Variants in CTDP1 observed in about 807,000 individuals in gnomAD.
CTDP1 encodes RNA polymerase II subunit A C-terminal domain phosphatase.
Under a neutral mutation model 91.8 loss-of-function variants are expected in CTDP1, and 47 were observed. That is an observed-to-expected ratio of 0.51 (90% confidence interval 0.41 to 0.65). CTDP1 has a LOEUF of 0.65. Among genes scored for constraint, CTDP1 ranks in the 30% least tolerant of loss-of-function variants. The probability of loss-of-function intolerance (pLI) is 0.00; values close to 1 mark genes in which losing one functional copy is unlikely to be tolerated. For synonymous variants in CTDP1, 656 were observed against 598.5 expected, an observed-to-expected ratio of 1.10 and a Z score of -1.40; for missense variants, 1,272 against 1,373.7, an observed-to-expected ratio of 0.93 and a Z score of 1.17.
chr18:79,730,776 G>C (rs1384663021), intron 11 of CTDP1, among the ~76,000 whole-genome samples: 1 of 152,158 alleles, frequency 6.6e-6, no homozygotes, highest in Admixed American at 6.5e-5. Flanking sequence ...CCAAGGACCC[G>C]AGGCCTCTGG....
chr18:79,718,023 G>A lies in CTDP1; in HGVS notation c.2417+7G>A. ...AGGAGCCCTCTTCCTTCAGGTACGT[G>A]GCGGCCCAGCCACTGTCCCCAGCTA... On this transcript the variant is annotated splice_region_variant and intron_variant, in intron 10 of 12. Transcript: ENST00000613122. 2.5e-6 allele frequency: 4 copies of A among 1,612,680 alleles called. No homozygotes were observed. The highest frequency in any genetic ancestry group is 3.4e-6 in the Non-Finnish European group (4 of 1,179,802).
intron 1 of CTDP1, among the ~76,000 whole-genome samples, chr18:79,682,111 T>C (rs2085383040): frequency 6.6e-6 from 1 of 152,188 alleles, no homozygotes; most frequent in African/African-American, 2.4e-5. Flanking sequence ...GCCTCGCAGT[T>C]GCATTAGCCA....
At chr18:79,743,536 A>AAAC (rs1348385662) in intron 12 of CTDP1, among the ~76,000 whole-genome samples, 1 of 150,922 alleles carries the variant, frequency 6.6e-6, no homozygotes, top group African/African-American at 2.4e-5. Context: ...CAAAAAAAAA[A>AAAC]AAAAAAAACA....
In CTDP1 at chr18:79,753,777, A is replaced by G; in HGVS notation, c.2873A>G (p.Asn958Ser). The change falls in exon 13 of 13, where the codon AAC (asparagine) becomes AGC (serine). Residue 958 changes from asparagine to serine, a missense_variant. By Grantham distance (46) the Asn-to-Ser change is conservative. This residue lies in a region of CTDP1 where 881 missense variants were observed against 911.6 expected (regional missense o/e 0.97). Coordinates refer to ENST00000613122, the MANE Select transcript of CTDP1 (RefSeq NM_004715.5). ...EMAKALEAEL[N>S]DLM Reference sequence around the variant, plus strand: ...GCCAAGGCGCTGGAGGCGGAGCTCAACGACCTCATGTGAGCGCGGGCAGCG... The same window carrying G: ...GCCAAGGCGCTGGAGGCGGAGCTCAGCGACCTCATGTGAGCGCGGGCAGCG... 2 of 1,613,548 alleles carry G rather than the reference A, an allele frequency of 1.2e-6. No homozygotes were observed. Among genetic ancestry groups the G allele is most frequent in the Non-Finnish European group, 1.7e-6 (2 of 1,179,948 alleles).
upstream of CTDP1, chr18:79,678,626 T>C (rs1029783760): frequency 6.6e-6 from 1 of 151,992 alleles, no homozygotes; most frequent in Non-Finnish European, 1.5e-5. Flanking sequence ...CAGCCTAACA[T>C]GAGAAAAGTC....
In CTDP1 at chr18:79,710,405, A is replaced by T. The variant is rs759017315; in HGVS notation, c.832A>T (p.Ile278Phe). Residue 278 changes from isoleucine to phenylalanine, a missense_variant, in exon 6 of 13, where the codon ATT becomes TTT. Coordinates refer to ENST00000613122, the MANE Select transcript of CTDP1 (RefSeq NM_004715.5). ...SHRILSRDEC[I>F]DPFSKTGNLR... ...CCGAATATTATCAAGGGATGAATGT[A>T]TTGACCCATTTTCTAAAACGGGAAA... 6.2e-7 allele frequency: 1 copy of T among 1,614,090 alleles called. No homozygotes were observed. Among genetic ancestry groups the T allele is most frequent in the Admixed American group, 1.7e-5 (1 of 60,018 alleles).
At chr18:79,750,555 G>A (rs960413574) in intron 12 of CTDP1, among the ~76,000 whole-genome samples, 4 of 150,558 alleles carry the variant, frequency 2.7e-5, no homozygotes, top group African/African-American at 4.9e-5. Flanking sequence ...GTGCAGTGGC[G>A]TGATCTCAGC....
chr18:79,687,807 T>G (rs2085536520), intron 1 of CTDP1, among the ~76,000 whole-genome samples: 1 of 152,238 alleles, frequency 6.6e-6, no homozygotes, highest in Non-Finnish European at 1.5e-5. Flanking sequence ...CCCTGGGGTC[T>G]GTGGAGGTTC....
intron 1 of CTDP1, among the ~76,000 whole-genome samples, chr18:79,686,463 A>C (rs980790732): frequency 2.0e-5 from 3 of 152,262 alleles, no homozygotes; most frequent in Non-Finnish European, 4.4e-5. Flanking sequence ...GATTCAGGTG[A>C]TATTTCTTAA....
chr18:79,739,084 G>A (rs1355136137), intron 12 of CTDP1, among the ~76,000 whole-genome samples: 1 of 152,236 alleles, frequency 6.6e-6, no homozygotes, highest in African/African-American at 2.4e-5. Flanking sequence ...AGACCCTCTA[G>A]CCCGGGGCTG....
At chr18:79,706,172 C>T (rs796908821) in intron 5 of CTDP1, among the ~76,000 whole-genome samples, 3 of 152,314 alleles carry the variant, frequency 2.0e-5, no homozygotes, top group East Asian at 1.9e-4. Flanking sequence ...TGCAGCAAGC[C>T]GGCGCCCACT....
chr18:79,697,813 A>G (rs1291972989), intron 3 of CTDP1, 47 bp from the exon 4 acceptor site: 1 of 1,613,608 alleles, frequency 6.2e-7, no homozygotes, highest in Admixed American at 1.7e-5. Flanking sequence ...TTTACCTTGG[A>G]TGCAAACATA....
chr18:79,700,477 C>T (rs1242782878), intron 4 of CTDP1, among the ~76,000 whole-genome samples: 1 of 152,234 alleles, frequency 6.6e-6, no homozygotes, highest in Non-Finnish European at 1.5e-5. Flanking sequence ...ACAACATTCC[C>T]TTAAGCCAAA....
Position 79,714,798 on chromosome 18 carries a change from G to A in CTDP1, c.1338G>A (p.Thr446=), listed in dbSNP as rs573314400. ...APGQRPAQGA[T]GTDLDFDLSS... is the part of the protein sequence containing the mutation. ...GACAGCGGCCTGCCCAGGGTGCCAC[G>A]GGCACTGACCTGGACTTTGACTTAT... Residue 446 remains threonine, a synonymous_variant, in exon 8 of 13, where the codon ACG becomes ACA. Coordinates refer to ENST00000613122, the MANE Select transcript of CTDP1 (RefSeq NM_004715.5). 60 of 1,603,378 alleles carry A rather than the reference G, an allele frequency of 3.7e-5. No homozygotes were observed. The highest frequency in any genetic ancestry group is 4.5e-5 in the Non-Finnish European group (53 of 1,176,216).
At chr18:79,728,807 T>G in intron 10 of CTDP1, 100 bp from the exon 11 acceptor site, 23 of 1,138,026 alleles carry the variant, frequency 2.0e-5, no homozygotes, top group Non-Finnish European at 2.8e-5. Flanking sequence ...TTGGGGTGTG[T>G]GAGTGTTTAC....
upstream of CTDP1, chr18:79,679,609 C>A (rs2085309107): frequency 2.1e-6 from 1 of 479,558 alleles, no homozygotes; most frequent in Non-Finnish European, 4.1e-6. Context: ...CAGCGGCCCG[C>A]GTTGCATGCC....
chr18:79,695,198 T>C (rs1304684161), intron 1 of CTDP1, 27 bp from the exon 2 acceptor site: 5 of 1,606,566 alleles, frequency 3.1e-6, no homozygotes, highest in Admixed American at 3.3e-5. Context: ...GATTTTAAAG[T>C]GTTGTTCCCC....
intron 4 of CTDP1, among the ~76,000 whole-genome samples, chr18:79,700,843 C>T (rs1203431838): frequency 6.6e-6 from 1 of 152,164 alleles, no homozygotes; most frequent in African/African-American, 2.4e-5. Flanking sequence ...TCGTTGGAGA[C>T]TAACTAATGC....
chr18:79,701,948 G>A (rs1032094247), intron 4 of CTDP1, among the ~76,000 whole-genome samples: 11 of 152,184 alleles, frequency 7.2e-5, no homozygotes, highest in Non-Finnish European at 1.6e-4. Flanking sequence ...TGCTTCTTAC[G>A]GATGAGCAAA....
Sources: gnomAD v4.1 joint callset for allele counts (sites outside exome capture counted in the v4.1 genomes callset) on GRCh38, gnomAD v4.1.1 for gene constraint, gnomAD v4.1.1 regional missense constraint, MANE v1.5 for transcripts, NCBI Gene and HGNC (gene_info 2026-07-23, HGNC 2026-07-21) for gene names.